Variants in TRPC4AP observed in about 807,000 individuals in gnomAD.
The protein encoded by TRPC4AP is short transient receptor potential channel 4-associated protein.
Under a neutral mutation model 99.0 loss-of-function variants are expected in TRPC4AP, and 45 were observed. That is an observed-to-expected ratio of 0.45 (90% CI 0.36 to 0.58). TRPC4AP has a LOEUF of 0.58. Among genes scored for constraint, TRPC4AP ranks in the 20% least tolerant of loss-of-function variants. The pLI, the probability that TRPC4AP is intolerant of heterozygous loss-of-function variation, is 0.00. For synonymous variants in TRPC4AP, 408 were observed against 385.8 expected (o/e 1.06, Z -0.67); for missense variants, 879 against 985.3 (o/e 0.89, Z 1.44).
At chr20:35,012,390 C>A (rs1009482054) in intron 11 of TRPC4AP, among the ~76,000 whole-genome samples, 1 of 152,208 alleles carries the variant, frequency 6.6e-6, no homozygotes, top group Admixed American at 6.5e-5. Context: ...TGTGCACACG[C>A]AGCTGGCTGG....
At chr20:35,091,050 A>ATT (rs796861590) in intron 1 of TRPC4AP, among the ~76,000 whole-genome samples, 3,499 of 143,330 alleles carry the variant, frequency 0.024, 126 homozygotes, top group African/African-American at 0.082. Context: ...TATTTCTAGG[A>ATT]TTTTTTTTTT....
intron 1 of TRPC4AP, 26 bp downstream of exon 1, chr20:35,092,588 C>G: frequency 6.8e-7 from 1 of 1,463,618 alleles, no homozygotes; most frequent in Middle Eastern, 2.4e-4. Context: ...CCGCCCCGCC[C>G]CGCCCCTCCT....
intron 16 of TRPC4AP, 38 bp downstream of exon 16, chr20:35,005,657 C>A (rs753291418): frequency 6.3e-7 from 1 of 1,586,176 alleles, no homozygotes; most frequent in Non-Finnish European, 8.7e-7. Flanking sequence ...GCATTCTTAC[C>A]CTGCATGACT....
chr20:35,028,381 C>T (rs1477048523), intron 8 of TRPC4AP, among the ~76,000 whole-genome samples: 4 of 151,932 alleles, frequency 2.6e-5, no homozygotes, highest in African/African-American at 4.8e-5. Flanking sequence ...TGTGAGCCAC[C>T]GCGCCCGGCC....
chr20:35,004,448 G>A lies in TRPC4AP; in HGVS notation c.2049+10C>T, dbSNP rs930779192. 5 of 1,609,502 alleles carry A rather than the reference G, an allele frequency of 3.1e-6. No homozygotes were observed. The highest frequency in any genetic ancestry group is 4.2e-6 in the Non-Finnish European group (5 of 1,177,374). ...ACCTTCCCTGCTGTGTGTCTGCCGGGGCCTCTCACCTGGGTCAGCGTCTGC... is the reference window on the plus strand; with the variant it reads ...ACCTTCCCTGCTGTGTGTCTGCCGGAGCCTCTCACCTGGGTCAGCGTCTGC... On this transcript the variant is annotated intron_variant, in intron 17 of 18. Transcript: ENST00000252015.
chr20:35,042,963 GT>G (rs1260284631), intron 7 of TRPC4AP, among the ~76,000 whole-genome samples: 1 of 152,028 alleles, frequency 6.6e-6, no homozygotes, highest in Non-Finnish European at 1.5e-5. Flanking sequence ...TGTTTCTTGT[GT>G]ACCCTTTGTT....
At chr20:35,061,692 A>G (rs140426374) in intron 3 of TRPC4AP, among the ~76,000 whole-genome samples, 4 of 152,318 alleles carry the variant, frequency 2.6e-5, no homozygotes, top group Admixed American at 2.0e-4. Flanking sequence ...CCTGCCTCAC[A>G]TGATAAACAA....
At position 35,092,695 on chromosome 20, in the gene TRPC4AP, G is replaced by A. The variant is rs1194159444; in HGVS notation, c.87C>T (p.Gly29=). The A allele has an allele frequency of 6.5e-7, 1 of 1,541,444 alleles. No individual in the cohort carries two copies. Among genetic ancestry groups the A allele is most frequent in the Non-Finnish European group, 8.7e-7 (1 of 1,154,480 alleles). The change falls in exon 1 of 19, where the codon GGC becomes GGT. Residue 29 remains glycine, a synonymous_variant. Transcript: ENST00000252015. ...GAATGTTACCAGGCCGCGGCCGGCC[G>A]CCCCATCCGCCCCAAGCCGCCACTG... ...AATVAAWGGW[G]GRPRPGNILL...
rs767628478 is a variant in TRPC4AP, at chr20:35,069,399, AGAG to A, written c.308_310del (p.Pro103del). The A allele has an allele frequency of 6.2e-7, 1 of 1,607,820 alleles. No individual in the cohort carries two copies. The highest frequency in any genetic ancestry group is 2.2e-5 in the East Asian group (1 of 44,824). ...AAATGCCATAGCCTCCATGGAGAGA[AGAG>A]GAGAAATTTCCTAGTTTTTTTAAAA... On this transcript the variant is annotated inframe_deletion, in exon 3 of 19. Coordinates refer to ENST00000252015, the MANE Select transcript of TRPC4AP (RefSeq NM_015638.3).
intron 2 of TRPC4AP, among the ~76,000 whole-genome samples, chr20:35,075,878 G>A (rs373154849): frequency 9.2e-5 from 14 of 152,076 alleles, no homozygotes; most frequent in Non-Finnish European, 1.5e-4. Flanking sequence ...CATTCTCCCC[G>A]TCACTTTCAG....
intron 8 of TRPC4AP, among the ~76,000 whole-genome samples, chr20:35,029,628 C>CTTTT (rs35372826): frequency 0.044 from 1,739 of 39,636 alleles, 25 homozygotes; most frequent in Non-Finnish European, 0.054. Context: ...AAGTTACTTT[C>CTTTT]TTTTTTTTTT....
chr20:35,053,825 C>A (rs371397294), intron 5 of TRPC4AP, among the ~76,000 whole-genome samples: 31 of 152,284 alleles, frequency 2.0e-4, no homozygotes, highest in Middle Eastern at 6.8e-3. Context: ...ACCACTTCTT[C>A]CTACTTTTTT....
chr20:35,003,649 T>A, intron 17 of TRPC4AP, 33 bp from the exon 18 acceptor site: 1 of 1,598,308 alleles, frequency 6.3e-7, no homozygotes. Flanking sequence ...GGTCAGGGGC[T>A]GGTGGGAGCC....
chr20:35,035,598 G>A (rs2083299616), intron 7 of TRPC4AP, among the ~76,000 whole-genome samples: 1 of 152,098 alleles, frequency 6.6e-6, no homozygotes, highest in Admixed American at 6.6e-5. Flanking sequence ...TCAATTTCTG[G>A]GAATTTACCA....
At position 35,021,361 on chromosome 20, in the gene TRPC4AP, C is replaced by G. The variant is rs369719947; in HGVS notation, c.1052-5G>C. 6.2e-7 allele frequency: 1 copy of G among 1,612,800 alleles called. No homozygotes were observed. On this transcript the variant is annotated splice_polypyrimidine_tract_variant and splice_region_variant and intron_variant, in intron 8 of 18. Transcript: ENST00000252015. The stretch of plus-strand genomic sequence containing the variant: ...GAGGAGGGAACACAATGGAGGCTGA[C>G]ACAGCCACCGGAGACAGGATTGAGT...
At position 35,078,025 on chromosome 20, in the gene TRPC4AP, TC is replaced by T; in HGVS notation, c.297+20del. The T allele has an allele frequency of 2.5e-6, 4 of 1,597,616 alleles. No individual in the cohort carries two copies. The highest frequency in any genetic ancestry group is 3.4e-6 in the Non-Finnish European group (4 of 1,168,762). ...CACCTAGAGGCCCTGAATACGCCCC[TC>T]CAAGGTCCTTAAGAGTTACCTTGAG... On this transcript the variant is annotated intron_variant, in intron 2 of 18. Transcript: ENST00000252015.
chr20:35,008,295 G>C (rs541545530), intron 13 of TRPC4AP, among the ~76,000 whole-genome samples: 3 of 152,296 alleles, frequency 2.0e-5, no homozygotes, highest in South Asian at 4.1e-4. Context: ...CCTAGCAGCG[G>C]AAGAGGCTTT....
At position 35,003,605 on chromosome 20, in the gene TRPC4AP, G is replaced by A. The variant is rs1159186885; in HGVS notation, c.2061C>T (p.Ser687=). Residue 687 remains serine, a synonymous_variant, in exon 18 of 19, where the codon AGC becomes AGT. Transcript: ENST00000252015. ...GGATCACCAGGCTGGTGTTGAGGCA[G>A]CTGACGTTCTCCTGCAAGGCCACAG... is the stretch of plus-strand genomic sequence containing the variant. ...HVQTLTQENV[S]CLNTSLVILM... is the part of the protein sequence containing the mutation. 2 of 1,613,530 alleles carry A rather than the reference G, an allele frequency of 1.2e-6. No individual in the cohort carries two copies. The highest frequency in any genetic ancestry group is 1.7e-6 in the Non-Finnish European group (2 of 1,179,932).
chr20:35,031,671 T>C (rs2083197913), intron 8 of TRPC4AP, among the ~76,000 whole-genome samples: 3 of 152,126 alleles, frequency 2.0e-5, no homozygotes, highest in South Asian at 4.1e-4. Flanking sequence ...TGATAATTTT[T>C]CTGTTACTTT....
Sources: allele counts gnomAD v4.1 joint callset (sites outside exome capture counted in the v4.1 genomes callset), GRCh38; gene constraint gnomAD v4.1.1; transcripts MANE v1.5; gene names NCBI Gene and HGNC (gene_info 2026-07-23, HGNC 2026-07-21).